FGGY: variants seen among roughly 807,000 people sequenced by gnomAD.
The protein encoded by FGGY is FGGY carbohydrate kinase domain-containing protein.
Under a neutral mutation model 71.3 loss-of-function variants are expected in FGGY, and 72 were observed. The observed-to-expected ratio is 1.01, with a 90% CI of 0.84 to 1.23. The LOEUF is 1.23. Ranked by LOEUF, FGGY falls within the 50% of genes most tolerant of loss-of-function variation. FGGY has a pLI of 0.00. For synonymous variants in FGGY, 251 were observed against 250.3 expected (o/e 1.00, Z -0.02); for missense variants, 668 against 682.3 (o/e 0.98, Z 0.23).
chr1:59,673,817 T>C, intron 13 of FGGY: 1 of 513,042 alleles, frequency 1.9e-6, no homozygotes, highest in Non-Finnish European at 3.6e-6. Flanking sequence ...TATATGGTGT[T>C]GGTTCCCTTG....
At chr1:59,660,676 A>T (rs1361534525) in intron 12 of FGGY, among the ~76,000 whole-genome samples, 1 of 152,246 alleles carries the variant, frequency 6.6e-6, no homozygotes, top group African/African-American at 2.4e-5. Flanking sequence ...AGGATTCATG[A>T]TAGGGGTCCT....
chr1:59,544,200 A>T (rs989030726), intron 7 of FGGY, among the ~76,000 whole-genome samples: 1 of 152,250 alleles, frequency 6.6e-6, no homozygotes, highest in East Asian at 1.9e-4. Context: ...GTTTTATGTG[A>T]TATGGGAGGT....
intron 5 of FGGY, among the ~76,000 whole-genome samples, chr1:59,418,802 C>T (rs1288242379): frequency 6.6e-6 from 1 of 151,988 alleles, no homozygotes; most frequent in African/African-American, 2.4e-5. Flanking sequence ...ATTTTATTTT[C>T]CTTTCACACA....
At chr1:59,739,851 C>A (rs1032611116) in intron 14 of FGGY, among the ~76,000 whole-genome samples, 1 of 152,202 alleles carries the variant, frequency 6.6e-6, no homozygotes, top group Admixed American at 6.5e-5. Context: ...TTCTACCACT[C>A]TATACTAATT....
chr1:59,398,071 G>A (rs865910357), intron 5 of FGGY, among the ~76,000 whole-genome samples: 20 of 152,166 alleles, frequency 1.3e-4, no homozygotes, highest in African/African-American at 4.8e-4. Flanking sequence ...GCTTCTTCTG[G>A]TCTTAATGGG....
At chr1:59,737,578 C>G (rs922761998) in intron 14 of FGGY, among the ~76,000 whole-genome samples, 1 of 152,198 alleles carries the variant, frequency 6.6e-6, no homozygotes, top group Non-Finnish European at 1.5e-5. Flanking sequence ...GGATTTTGGA[C>G]TAGCATGGGG....
chr1:59,568,275 C>A (rs936811628), intron 8 of FGGY, among the ~76,000 whole-genome samples: 1 of 152,094 alleles, frequency 6.6e-6, no homozygotes, highest in African/African-American at 2.4e-5. Flanking sequence ...GTGTGGTAGA[C>A]CTGTACTTGC....
chr1:59,643,129 T>A (rs1325730735), intron 11 of FGGY, among the ~76,000 whole-genome samples: 1 of 152,058 alleles, frequency 6.6e-6, no homozygotes, highest in Non-Finnish European at 1.5e-5. Flanking sequence ...TATTTACTAC[T>A]GAAACCAAAA....
intron 6 of FGGY, among the ~76,000 whole-genome samples, chr1:59,480,303 G>T (rs1452944072): frequency 6.6e-6 from 1 of 152,114 alleles, no homozygotes; most frequent in Non-Finnish European, 1.5e-5. Context: ...TCTGACCTCA[G>T]TTGCCCTCTT....
chr1:59,585,163 A>G (rs1173922896), intron 8 of FGGY, among the ~76,000 whole-genome samples: 1 of 152,200 alleles, frequency 6.6e-6, no homozygotes, highest in Non-Finnish European at 1.5e-5. Flanking sequence ...GAATTGGAAA[A>G]AACTACTTTA....
At chr1:59,660,332 C>G in intron 12 of FGGY, 39 bp downstream of exon 12, 3 of 1,541,390 alleles carry the variant, frequency 1.9e-6, no homozygotes, top group Non-Finnish European at 2.7e-6. Flanking sequence ...AGACTTAGAG[C>G]CATCAGTATA....
intron 1 of FGGY, among the ~76,000 whole-genome samples, chr1:59,309,844 G>A (rs1415129805): frequency 1.3e-5 from 2 of 152,058 alleles, no homozygotes; most frequent in African/African-American, 4.8e-5. Flanking sequence ...GCTGGGTGTG[G>A]TGGTGTGTGC....
chr1:59,458,007 CAG>C lies in FGGY; in HGVS notation c.670+937_670+938del, dbSNP rs1226897732. On this transcript the variant is annotated intron_variant, in intron 6 of 15. Coordinates refer to ENST00000303721, the MANE Select transcript of FGGY (RefSeq NM_018291.5). ...CTGTTGCATGTTTACAGATGAGAATCAGAGAGATTAGTAACCTTGCCTAACCT... is the reference window on the plus strand; with the variant it reads ...CTGTTGCATGTTTACAGATGAGAATCAGAGATTAGTAACCTTGCCTAACCT... Among the ~76,000 whole-genome samples the C allele has an allele frequency of 2.0e-5, 3 of 152,244 alleles. No individual in the cohort carries two copies. The East Asian group carries it at 5.8e-4, about 29-fold the overall frequency.
chr1:59,609,736 G>A (rs574938922), intron 9 of FGGY, among the ~76,000 whole-genome samples: 70 of 152,324 alleles, frequency 4.6e-4, no homozygotes, highest in African/African-American at 1.6e-3. Context: ...ACATTTCTTA[G>A]TATAATCCTA....
chr1:59,687,650 A>G (rs927115813), intron 14 of FGGY, among the ~76,000 whole-genome samples: 1 of 149,568 alleles, frequency 6.7e-6, no homozygotes, highest in Non-Finnish European at 1.5e-5. Context: ...TTTTTTTTTA[A>G]GTAGAGATGG....
At chr1:59,531,752 A>G (rs1162822098) in intron 7 of FGGY, among the ~76,000 whole-genome samples, 1 of 152,208 alleles carries the variant, frequency 6.6e-6, no homozygotes, top group Non-Finnish European at 1.5e-5. Context: ...GAGGGAGAAT[A>G]CTAGTAAATC....
chr1:59,431,904 G>T (rs12062938), intron 5 of FGGY, among the ~76,000 whole-genome samples: 26,624 of 151,994 alleles, frequency 0.18, 2,360 homozygotes, highest in Non-Finnish European at 0.2. Flanking sequence ...AAGCGATAGA[G>T]CATCTTTTGC....
intron 14 of FGGY, among the ~76,000 whole-genome samples, chr1:59,734,750 T>C (rs1347034210): frequency 6.6e-6 from 1 of 152,184 alleles, no homozygotes; most frequent in Non-Finnish European, 1.5e-5. Flanking sequence ...CCTCTGACTC[T>C]GACAGGGACT....
chr1:59,356,589 A>G (rs2054358673), intron 4 of FGGY, among the ~76,000 whole-genome samples: 1 of 152,174 alleles, frequency 6.6e-6, no homozygotes, highest in African/African-American at 2.4e-5. Flanking sequence ...TCTAACATTA[A>G]TAACTTATTA....
Sources: allele counts gnomAD v4.1 joint callset (sites outside exome capture counted in the v4.1 genomes callset), GRCh38; gene constraint gnomAD v4.1.1; transcripts MANE v1.5; gene names NCBI Gene and HGNC (gene_info 2026-07-23, HGNC 2026-07-21).